Variants in ZNF804A observed in about 807,000 individuals in gnomAD.
ZNF804A encodes zinc finger protein 804A.
ZNF804A carries 2 observed loss-of-function variants against 16.5 expected under a neutral mutation model. The ratio of observed to expected loss-of-function variants is 0.12; its 90% CI spans 0.05 to 0.38. The LOEUF is 0.38. Among genes scored for constraint, ZNF804A ranks in the 10% least tolerant of loss-of-function variants. The pLI is 0.99. For synonymous variants in ZNF804A, 534 were observed against 489.6 expected, an observed-to-expected ratio of 1.09 and a Z score of -1.20; for missense variants, 1,473 against 1,390.7, an observed-to-expected ratio of 1.06 and a Z score of -0.94.
In ZNF804A at chr2:184,819,109, A is replaced by T. The variant is rs868368601; in HGVS notation, c.112-47260A>T. On this transcript the variant is annotated intron_variant, in intron 1 of 3. Coordinates refer to ENST00000302277, the MANE Select transcript of ZNF804A (RefSeq NM_194250.2). ...ACTCTCCACCCAAAAGTGATAGAAT[A>T]CACATTCTTCTCATTGCCACATGGC... Among the ~76,000 whole-genome samples the T allele has an allele frequency of 2.2e-3, 328 of 152,230 alleles. 1 individual carries two copies. Among genetic ancestry groups the T allele is most frequent in the Middle Eastern group, 6.8e-3 (2 of 294 alleles).
chr2:184,685,936 C>T (rs953343710), intron 1 of ZNF804A, among the ~76,000 whole-genome samples: 4 of 152,230 alleles, frequency 2.6e-5, no homozygotes, highest in African/African-American at 9.6e-5. Context: ...TGCCCTCAGC[C>T]TCTGATGGCC....
chr2:184,820,044 G>A (rs1414706286), intron 1 of ZNF804A, among the ~76,000 whole-genome samples: 1 of 151,918 alleles, frequency 6.6e-6, no homozygotes, highest in Non-Finnish European at 1.5e-5. Context: ...TAAAAACAAT[G>A]GACTCCTCTC....
At chr2:184,746,851 A>ATATG (rs1693796507) in intron 1 of ZNF804A, among the ~76,000 whole-genome samples, 1 of 151,350 alleles carries the variant, frequency 6.6e-6, no homozygotes, top group South Asian at 2.1e-4. Flanking sequence ...AATGTTCTCT[A>ATATG]TTTCCAACCA....
intron 1 of ZNF804A, among the ~76,000 whole-genome samples, chr2:184,633,043 G>A (rs77600559): frequency 0.018 from 2,688 of 152,148 alleles, 57 homozygotes; most frequent in African/African-American, 0.061. Flanking sequence ...GCTTCTGACA[G>A]CCCCCACCCC....
chr2:184,903,491 T>A (rs1306289917), intron 2 of ZNF804A, among the ~76,000 whole-genome samples: 1 of 152,128 alleles, frequency 6.6e-6, no homozygotes, highest in African/African-American at 2.4e-5. Flanking sequence ...TAGTAGGTTA[T>A]ACCACCTAGG....
chr2:184,673,573 G>A (rs553598206), intron 1 of ZNF804A, among the ~76,000 whole-genome samples: 1 of 152,178 alleles, frequency 6.6e-6, no homozygotes, highest in East Asian at 1.9e-4. Flanking sequence ...CAGGAAAGAG[G>A]GTACAATAAG....
intron 1 of ZNF804A, among the ~76,000 whole-genome samples, chr2:184,713,619 T>C (rs766785767): frequency 1.3e-5 from 2 of 151,976 alleles, no homozygotes; most frequent in East Asian, 3.9e-4. Context: ...CAGAACAATA[T>C]CTAATTCTTA....
intron 1 of ZNF804A, among the ~76,000 whole-genome samples, chr2:184,718,919 G>T (rs529602892): frequency 6.6e-6 from 1 of 152,104 alleles, no homozygotes; most frequent in Non-Finnish European, 1.5e-5. Flanking sequence ...CCCCAGTGGG[G>T]ATTCTGTGTG....
chr2:184,663,737 G>C (rs917823544), intron 1 of ZNF804A, among the ~76,000 whole-genome samples: 1 of 152,160 alleles, frequency 6.6e-6, no homozygotes, highest in Non-Finnish European at 1.5e-5. Flanking sequence ...CCTCCCTTCT[G>C]AAGCCCATAA....
Position 184,600,508 on chromosome 2 carries a change from T to C in ZNF804A, c.111+1438T>C, listed in dbSNP as rs545675653. The stretch of plus-strand genomic sequence containing the variant: ...CCAAAGGCTAAAGGAGTTATTGAAA[T>C]TGTTCTGGCCCCACTTAGAGAAGTA... On this transcript the variant is annotated intron_variant, in intron 1 of 3. Coordinates refer to ENST00000302277, the MANE Select transcript of ZNF804A (RefSeq NM_194250.2). Among the ~76,000 whole-genome samples the C allele has an allele frequency of 2.4e-4, 37 of 152,310 alleles. 1 individual carries two copies. In the South Asian group the frequency reaches 7.7e-3, roughly 32 times the overall value.
intron 1 of ZNF804A, among the ~76,000 whole-genome samples, chr2:184,775,651 C>A (rs1034715781): frequency 4.0e-5 from 6 of 151,624 alleles, no homozygotes; most frequent in African/African-American, 1.2e-4. Context: ...TTTTCATATT[C>A]TCAGACAACT....
chr2:184,646,748 T>C (rs1433916407), intron 1 of ZNF804A, among the ~76,000 whole-genome samples: 1 of 152,244 alleles, frequency 6.6e-6, no homozygotes, highest in African/African-American at 2.4e-5. Flanking sequence ...TGCAGTTAAC[T>C]TGAGGCCATG....
At chr2:184,780,805 G>A (rs1168003991) in intron 1 of ZNF804A, among the ~76,000 whole-genome samples, 1 of 151,756 alleles carries the variant, frequency 6.6e-6, no homozygotes, top group Non-Finnish European at 1.5e-5. Context: ...AGTGCAATGA[G>A]CAGTAAACTG....
intron 1 of ZNF804A, among the ~76,000 whole-genome samples, chr2:184,849,629 A>G (rs1695572387): frequency 6.6e-6 from 1 of 151,982 alleles, no homozygotes; most frequent in South Asian, 2.1e-4. Flanking sequence ...CTCATATACC[A>G]TAGGTAGGAA....
intron 1 of ZNF804A, among the ~76,000 whole-genome samples, chr2:184,726,844 G>T (rs533082594): frequency 6.6e-6 from 1 of 151,544 alleles, no homozygotes; most frequent in South Asian, 2.1e-4. Context: ...AAAGATGCTA[G>T]CTCCATAGTC....
At chr2:184,625,947 C>A (rs1337475560) in intron 1 of ZNF804A, among the ~76,000 whole-genome samples, 1 of 152,122 alleles carries the variant, frequency 6.6e-6, no homozygotes, top group Non-Finnish European at 1.5e-5. Context: ...CTGCTCAGTG[C>A]AAGCTCTGCC....
chr2:184,877,319 T>G (rs139986741), intron 2 of ZNF804A, among the ~76,000 whole-genome samples: 14 of 152,188 alleles, frequency 9.2e-5, no homozygotes, highest in African/African-American at 3.4e-4. Context: ...TTAAAGAAAT[T>G]GAGACACCTT....
intron 1 of ZNF804A, among the ~76,000 whole-genome samples, chr2:184,783,258 G>A (rs17584494): frequency 0.17 from 25,557 of 147,730 alleles, 2,691 homozygotes; most frequent in East Asian, 0.27. Flanking sequence ...ACAGTATCTG[G>A]CCCAAAATTT....
chr2:184,777,356 C>A (rs1057084339), intron 1 of ZNF804A, among the ~76,000 whole-genome samples: 11 of 151,630 alleles, frequency 7.3e-5, no homozygotes, highest in Non-Finnish European at 1.6e-4. Flanking sequence ...TGTTTCTAAA[C>A]CTCAGAAAGA....
Sources: gnomAD v4.1 joint callset for allele counts (sites outside exome capture counted in the v4.1 genomes callset) on GRCh38, gnomAD v4.1.1 for gene constraint, MANE v1.5 for transcripts, NCBI Gene and HGNC (gene_info 2026-07-23, HGNC 2026-07-21) for gene names.